OR10Q1: variants seen among roughly 807,000 people sequenced by gnomAD.
OR10Q1 encodes the protein olfactory receptor family 10 subfamily Q member 1.
For missense variants in OR10Q1, 435 were observed against 414.0 expected (o/e 1.05, Z -0.44); for synonymous variants, 211 against 180.5 (o/e 1.17, Z -1.35).
At position 58,228,816 on chromosome 11, in the gene OR10Q1, C is replaced by A. The variant is rs201339802; in HGVS notation, c.60G>T (p.Ala20=). The change falls in exon 1 of 1, where the codon GCG becomes GCT. Residue 20 remains alanine, a synonymous_variant. Coordinates refer to ENST00000316770, the MANE Select transcript of OR10Q1 (RefSeq NM_001004471.2). ...QSEPTEFVFR[A]FTTATEFQVL... ...CCTGGAATTCAGTGGCTGTGGTGAA[C>A]GCACGGAACACAAACTCAGTGGGCT... 2.5e-6 allele frequency: 4 copies of A among 1,613,906 alleles called. No individual in the cohort carries two copies. The highest frequency in any genetic ancestry group is 3.4e-6 in the Non-Finnish European group (4 of 1,179,988).
chr11:58,228,430 A>G lies in OR10Q1; in HGVS notation c.446T>C (p.Leu149Pro). ...GAGGGCCAGGCCCAGGGCCCCACCC[A>G]GCATCTGCGTGCACAGCTCGCGGGT... ...IMTRELCTQM[L>P]GGALGLALFP... is the part of the protein sequence containing the mutation. Residue 149 changes from leucine (L) to proline (P), a missense_variant, in exon 1 of 1, where the codon CTG (leucine) becomes CCG (proline). By Grantham distance (98) the Leu-to-Pro change is moderately conservative. Transcript: ENST00000316770. 1 of 1,614,162 alleles carries G rather than the reference A, an allele frequency of 6.2e-7. No individual in the cohort carries two copies. Among genetic ancestry groups the G allele is most frequent in the Non-Finnish European group, 8.5e-7 (1 of 1,180,034 alleles).
In OR10Q1 at chr11:58,228,840, C is replaced by A. The variant is rs4245219; in HGVS notation, c.36G>T (p.Glu12Asp). ...PVGKLVFNQSEPTEFVFRAFT... is the reference protein window; with the variant it reads ...PVGKLVFNQSDPTEFVFRAFT... ...ACGCACGGAACACAAACTCAGTGGG[C>A]TCAGACTGGTTGAAGACAAGTTTCC... The change falls in exon 1 of 1, where the codon GAG becomes GAT. Residue 12 changes from glutamate to aspartate, a missense_variant. Physicochemically the swap from Glu to Asp is conservative, Grantham distance 45. Coordinates refer to ENST00000316770, the MANE Select transcript of OR10Q1 (RefSeq NM_001004471.2). 1.2e-6 allele frequency: 2 copies of A among 1,614,104 alleles called. No individual in the cohort carries two copies. Among genetic ancestry groups the A allele is most frequent in the African/African-American group, 1.3e-5 (1 of 75,022 alleles).
chr11:58,228,307 A>G lies in OR10Q1; in HGVS notation c.569T>C (p.Leu190Pro). The change falls in exon 1 of 1, where the codon CTG becomes CCG. Residue 190 changes from leucine to proline, a missense_variant. By Grantham distance (98) the Leu-to-Pro change is moderately conservative. Coordinates refer to ENST00000316770, the MANE Select transcript of OR10Q1 (RefSeq NM_001004471.2). ...GCGGATGTCAGCGCAGGCCAGGCGCAGGACGGGAGGCACATCGCAGAGGAA... is the reference window on the plus strand; with the variant it reads ...GCGGATGTCAGCGCAGGCCAGGCGCGGGACGGGAGGCACATCGCAGAGGAA... ...NHFLCDVPPV[L>P]RLACADIRVH... The G allele has an allele frequency of 6.2e-7, 1 of 1,613,884 alleles. No homozygotes were observed. Among genetic ancestry groups the G allele is most frequent in the Non-Finnish European group, 8.5e-7 (1 of 1,180,044 alleles).
rs1310104481 is a variant in OR10Q1 at position 58,228,222 on chromosome 11, G to A, written c.654C>T (p.Leu218=). 6 of 1,613,932 alleles carry A rather than the reference G, an allele frequency of 3.7e-6. No individual in the cohort carries two copies. Among genetic ancestry groups the A allele is most frequent in the East Asian group, 2.2e-5 (1 of 44,882 alleles). Residue 218 remains leucine, a synonymous_variant, in exon 1 of 1, where the codon CTC becomes CTT. Transcript: ENST00000316770. The stretch of plus-strand genomic sequence containing the variant: ...TGATGAACACGTAGGAGACGCAGAT[G>A]AGCAGGAAGGGGATGGTCAGCACGA... The part of the protein sequence containing the change: ...SILVLTIPFL[L]ICVSYVFITC...
rs1199983034 is a variant in OR10Q1, at chr11:58,228,879, T to G, written c.-4A>C. ...AGACAAGTTTCCCCACAGGCATGTCTTATGCAAAAGAATAGGACGCGCTGA... is the reference window on the plus strand; with the variant it reads ...AGACAAGTTTCCCCACAGGCATGTCGTATGCAAAAGAATAGGACGCGCTGA... On this transcript the variant is annotated 5_prime_UTR_variant, in exon 1 of 1. Coordinates refer to ENST00000316770, the MANE Select transcript of OR10Q1 (RefSeq NM_001004471.2). The G allele has an allele frequency of 6.2e-7, 1 of 1,613,144 alleles. No homozygotes were observed. The highest frequency in any genetic ancestry group is 8.5e-7 in the Non-Finnish European group (1 of 1,179,454).
rs1177657610 is a variant in OR10Q1, at chr11:58,228,199, A to T, written c.677T>A (p.Ile226Asn). ...ACGGATGCTCAGGATGGCACAGGTG[A>T]TGAACACGTAGGAGACGCAGATGAG... ...FLLICVSYVF[I>N]TCAILSIRSA... The change falls in exon 1 of 1, where the codon ATC (isoleucine) becomes AAC (asparagine). Residue 226 changes from isoleucine to asparagine, a missense_variant. Transcript: ENST00000316770. 1 of 1,614,128 alleles carries T rather than the reference A, an allele frequency of 6.2e-7. No homozygotes were observed. The highest frequency in any genetic ancestry group is 8.5e-7 in the Non-Finnish European group (1 of 1,180,032).
In OR10Q1 at chr11:58,228,276, G is replaced by A. The variant is rs374601943; in HGVS notation, c.600C>T (p.His200=). Residue 200 remains histidine (H), a synonymous_variant, in exon 1 of 1, where the codon CAC becomes CAT. Transcript: ENST00000316770. ...TGCTCACGACATAGAGGACAGCCTG[G>A]TGCACGCGGATGTCAGCGCAGGCCA... ...LRLACADIRV[H]QAVLYVVSIL... 4 of 1,613,630 alleles carry A rather than the reference G, an allele frequency of 2.5e-6. No individual in the cohort carries two copies. The African/African-American group carries it at 4.0e-5, about 16-fold the overall frequency.
chr11:58,228,161 G>A lies in OR10Q1; in HGVS notation c.715C>T (p.Arg239Cys), dbSNP rs779355771. The A allele has an allele frequency of 2.8e-5, 45 of 1,614,032 alleles. No individual in the cohort carries two copies. Among genetic ancestry groups the A allele is most frequent in the Non-Finnish European group, 3.6e-5 (43 of 1,180,032 alleles). The change falls in exon 1 of 1, where the codon CGC (arginine) becomes TGC (cysteine). Residue 239 changes from arginine to cysteine, a missense_variant. Arg to Cys is a radical substitution (Grantham distance 180). Coordinates refer to ENST00000316770, the MANE Select transcript of OR10Q1 (RefSeq NM_001004471.2). ...GAGCAGGTGGAGAAGGCCCGGCGGC[G>A]GCCCTCGGCAGAACGGATGCTCAGG... is the stretch of plus-strand genomic sequence containing the variant. Reference protein sequence around the residue: ...AILSIRSAEGRRRAFSTCSFH... With the variant: ...AILSIRSAEGCRRAFSTCSFH...
rs774116088 is a variant in OR10Q1, at chr11:58,228,720, C to T, written c.156G>A (p.Val52=). Reference sequence around the variant, plus strand: ...TGCGGAGGGTGCTGTGTGTGCACACCACCCAGATGATGGCTGTGTTGCCAC... The same window carrying T: ...TGCGGAGGGTGCTGTGTGTGCACACTACCCAGATGATGGCTGTGTTGCCAC... ...ILCGNTAIIW[V]VCTHSTLRTP... Residue 52 remains valine, a synonymous_variant, in exon 1 of 1, where the codon GTG becomes GTA. Coordinates refer to ENST00000316770, the MANE Select transcript of OR10Q1 (RefSeq NM_001004471.2). The T allele has an allele frequency of 1.9e-6, 3 of 1,613,844 alleles. No homozygotes were observed. The South Asian group carries it at 3.3e-5, about 18-fold the overall frequency.
In OR10Q1 at chr11:58,228,017, T is replaced by A. The variant is rs1216067518; in HGVS notation, c.859A>T (p.Thr287Ser). ...TAAAGCAAAGGGTTGAGTAAGGGGG[T>A]GACAAAGGTGTAGACCAACGCGATT... ...SQIALVYTFV[T>S]PLLNPLLYSL... The change falls in exon 1 of 1, where the codon ACC (threonine) becomes TCC (serine). Residue 287 changes from threonine to serine, a missense_variant. Transcript: ENST00000316770. 1 of 1,613,870 alleles carries A rather than the reference T, an allele frequency of 6.2e-7. No homozygotes were observed. The highest frequency in any genetic ancestry group is 2.2e-5 in the East Asian group (1 of 44,846).
In OR10Q1 at chr11:58,227,883, C is replaced by T. The variant is rs376495612; in HGVS notation, c.*33G>A. On this transcript the variant is annotated 3_prime_UTR_variant, in exon 1 of 1. Transcript: ENST00000316770. ...CATTTAGAGTTCTTTGACACAGCAA[C>T]AGACAGACACCCAGCCCAGTGCCCC... The T allele has an allele frequency of 8.0e-5, 127 of 1,577,966 alleles. No individual in the cohort carries two copies. The highest frequency in any genetic ancestry group is 1.1e-4 in the Non-Finnish European group (124 of 1,159,674).
Position 58,228,014 on chromosome 11 carries a change from G to A in OR10Q1, c.862C>T (p.Pro288Ser), listed in dbSNP as rs1274228917. The change falls in exon 1 of 1, where the codon CCC becomes TCC. Residue 288 changes from proline to serine, a missense_variant. Coordinates refer to ENST00000316770, the MANE Select transcript of OR10Q1 (RefSeq NM_001004471.2). Reference protein sequence around the residue: ...QIALVYTFVTPLLNPLLYSLR... With the variant: ...QIALVYTFVTSLLNPLLYSLR... Reference sequence around the variant, plus strand: ...CTGTAAAGCAAAGGGTTGAGTAAGGGGGTGACAAAGGTGTAGACCAACGCG... The same window carrying A: ...CTGTAAAGCAAAGGGTTGAGTAAGGAGGTGACAAAGGTGTAGACCAACGCG... 6.2e-7 allele frequency: 1 copy of A among 1,614,032 alleles called. No homozygotes were observed. The highest frequency in any genetic ancestry group is 1.1e-5 in the South Asian group (1 of 91,084).
In OR10Q1 at chr11:58,228,622, A is replaced by G. The variant is rs376109817; in HGVS notation, c.254T>C (p.Met85Thr). The part of the protein sequence containing the change: ...LCYTTVVVPL[M>T]LSNILGAQKP... ...CTGGGCCCCCAAAATGTTGGAAAGCATCAAGGGTACTACCACGGTGGTGTA... is the reference window on the plus strand; with the variant it reads ...CTGGGCCCCCAAAATGTTGGAAAGCGTCAAGGGTACTACCACGGTGGTGTA... Residue 85 changes from methionine to threonine, a missense_variant, in exon 1 of 1, where the codon ATG becomes ACG. Met to Thr is a moderately conservative substitution (Grantham distance 81). Coordinates refer to ENST00000316770, the MANE Select transcript of OR10Q1 (RefSeq NM_001004471.2). The G allele has an allele frequency of 3.1e-6, 5 of 1,614,158 alleles. No individual in the cohort carries two copies. In the South Asian group the frequency reaches 3.3e-5, roughly 11 times the overall value.
rs1400239083 is a variant in OR10Q1, at chr11:58,228,880, T to C, written c.-5A>G. 1 of 1,613,034 alleles carries C rather than the reference T, an allele frequency of 6.2e-7. No homozygotes were observed. On this transcript the variant is annotated 5_prime_UTR_variant, in exon 1 of 1. It adds an upstream start codon to the 5' untranslated region. Transcript: ENST00000316770. ...GACAAGTTTCCCCACAGGCATGTCT[T>C]ATGCAAAAGAATAGGACGCGCTGAG...
rs770134300 is a variant in OR10Q1, at chr11:58,228,698, G to A, written c.178C>T (p.Arg60Cys). 1.3e-5 allele frequency: 21 copies of A among 1,613,856 alleles called. No individual in the cohort carries two copies. In the East Asian group the frequency reaches 2.2e-4, roughly 17 times the overall value. The change falls in exon 1 of 1, where the codon CGC becomes TGC. Residue 60 changes from arginine (R) to cysteine (C), a missense_variant. Arg to Cys is a radical substitution (Grantham distance 180). Transcript: ENST00000316770. ...IWVVCTHSTL[R>C]TPMYFFLSNL... ...GACAGGAAGAAATACATCGGGGTGC[G>A]GAGGGTGCTGTGTGTGCACACCACC...
In OR10Q1 at chr11:58,227,969, T is replaced by C. The variant is rs200460770; in HGVS notation, c.907A>G (p.Lys303Glu). The change falls in exon 1 of 1, where the codon AAA becomes GAA. Residue 303 changes from lysine to glutamate, a missense_variant. Physicochemically the swap from Lys to Glu is moderately conservative, Grantham distance 56. Transcript: ENST00000316770. Reference protein sequence around the residue: ...LLYSLRNKDVKGALRSAIIRK... With the variant: ...LLYSLRNKDVEGALRSAIIRK... Reference sequence around the variant, plus strand: ...ATAATGGCACTCCTCAGAGCACCTTTGACATCCTTGTTCCTAAGGCTGTAA... The same window carrying C: ...ATAATGGCACTCCTCAGAGCACCTTCGACATCCTTGTTCCTAAGGCTGTAA... The C allele has an allele frequency of 8.7e-6, 14 of 1,614,032 alleles. No individual in the cohort carries two copies. Among genetic ancestry groups the C allele is most frequent in the African/African-American group, 1.3e-5 (1 of 74,924 alleles).
rs370515300 is a variant in OR10Q1, at chr11:58,228,283, C to T, written c.593G>A (p.Arg198His). ...PVLRLACADIRVHQAVLYVVS... is the reference protein window; with the variant it reads ...PVLRLACADIHVHQAVLYVVS... Reference sequence around the variant, plus strand: ...GACATAGAGGACAGCCTGGTGCACGCGGATGTCAGCGCAGGCCAGGCGCAG... The same window carrying T: ...GACATAGAGGACAGCCTGGTGCACGTGGATGTCAGCGCAGGCCAGGCGCAG... Residue 198 changes from arginine to histidine, a missense_variant, in exon 1 of 1, where the codon CGC (arginine) becomes CAC (histidine). Physicochemically the swap from Arg to His is conservative, Grantham distance 29. Transcript: ENST00000316770. The T allele has an allele frequency of 1.9e-6, 3 of 1,613,598 alleles. No homozygotes were observed. Among genetic ancestry groups the T allele is most frequent in the African/African-American group, 2.7e-5 (2 of 74,900 alleles).
chr11:58,228,162 G>A lies in OR10Q1; in HGVS notation c.714C>T (p.Gly238=). The A allele has an allele frequency of 6.2e-7, 1 of 1,614,162 alleles. No homozygotes were observed. The highest frequency in any genetic ancestry group is 8.5e-7 in the Non-Finnish European group (1 of 1,180,024). The change falls in exon 1 of 1, where the codon GGC becomes GGT. Residue 238 remains glycine, a synonymous_variant. Coordinates refer to ENST00000316770, the MANE Select transcript of OR10Q1 (RefSeq NM_001004471.2). ...CAILSIRSAE[G]RRRAFSTCSF... ...AGCAGGTGGAGAAGGCCCGGCGGCG[G>A]CCCTCGGCAGAACGGATGCTCAGGA...
chr11:58,228,402 G>C lies in OR10Q1; in HGVS notation c.474C>G (p.Phe158Leu). The change falls in exon 1 of 1, where the codon TTC becomes TTG. Residue 158 changes from phenylalanine (F) to leucine (L), a missense_variant. Transcript: ENST00000316770. ...TTAAGGCGGTGAGCTGCAGGGAGGG[G>C]AAGAGGGCCAGGCCCAGGGCCCCAC... ...MLGGALGLALFPSLQLTALIF... is the reference protein window; with the variant it reads ...MLGGALGLALLPSLQLTALIF... 1.9e-6 allele frequency: 3 copies of C among 1,614,016 alleles called. No homozygotes were observed. The highest frequency in any genetic ancestry group is 2.5e-6 in the Non-Finnish European group (3 of 1,180,026).
Sources: allele counts gnomAD v4.1 joint callset, GRCh38; gene constraint gnomAD v4.1.1; transcripts MANE v1.5; gene names NCBI Gene and HGNC (gene_info 2026-07-23, HGNC 2026-07-21).